The following B3GNT3 variants were observed in gnomAD, a reference collection of about 807,000 sequenced individuals.
The protein encoded by B3GNT3 is N-acetyllactosaminide beta-1,3-N-acetylglucosaminyltransferase 3.
A neutral mutation model predicts 11.6 loss-of-function variants in B3GNT3; 7 were observed. That is an observed-to-expected ratio of 0.60 (90% confidence interval 0.34 to 1.13). B3GNT3 has a LOEUF of 1.13. Ranked by LOEUF, B3GNT3 falls within the 50% of genes most tolerant of loss-of-function variation. The pLI is 0.03. For missense variants in B3GNT3, 400 were observed against 507.4 expected (o/e 0.79, Z 2.03); for synonymous variants, 201 against 222.1 (o/e 0.90, Z 0.85).
chr19:17,795,151 G>C lies in B3GNT3; in HGVS notation c.-106G>C, dbSNP rs936593945. 3 of 152,398 alleles carry C rather than the reference G, an allele frequency of 2.0e-5. No individual in the cohort carries two copies. Among genetic ancestry groups the C allele is most frequent in the African/African-American group, 7.2e-5 (3 of 41,436 alleles). The allele number at this position is 152,398 out of a possible 1,614,324, so 9.4% of individuals were successfully genotyped here. On this transcript the variant is annotated 5_prime_UTR_variant, in exon 1 of 3. Coordinates refer to ENST00000318683, the MANE Select transcript of B3GNT3 (RefSeq NM_014256.4). ...TGGCTCAGGTAAAAACTCTTTCTTCGGCTCGCGAGCTGAGAGGAGCAGGTA... is the reference window on the plus strand; with the variant it reads ...TGGCTCAGGTAAAAACTCTTTCTTCCGCTCGCGAGCTGAGAGGAGCAGGTA...
At chr19:17,797,643 A>C (rs1042640000) in intron 1 of B3GNT3, among the ~76,000 whole-genome samples, 3 of 152,122 alleles carry the variant, frequency 2.0e-5, no homozygotes, top group Non-Finnish European at 2.9e-5. Flanking sequence ...CGGGACCTAG[A>C]AACCCGGGAC....
intron 1 of B3GNT3, among the ~76,000 whole-genome samples, chr19:17,807,147 T>TGTGTG (rs1290665537): frequency 6.0e-5 from 9 of 149,164 alleles, no homozygotes; most frequent in East Asian, 2.0e-4. Flanking sequence ...TGTGTGTGTA[T>TGTGTG]TGGAGCAGGA....
chr19:17,811,628 G>A lies in B3GNT3; in HGVS notation c.625G>A (p.Gly209Arg), dbSNP rs200934033. ...CGCCAACGCCAGCTTCGTGCTCAAC[G>A]GGGATGATGACGTCTTTGCACACAC... ...RCANASFVLN[G>R]DDDVFAHTDN... Residue 209 changes from glycine (G) to arginine (R), a missense_variant, in exon 3 of 3, where the codon GGG becomes AGG. Transcript: ENST00000318683. This position sits in a 1 kb window ranked among gnomAD's most constrained non-coding sequence, Gnocchi z 4.1. 4.3e-6 allele frequency: 7 copies of A among 1,614,170 alleles called. No homozygotes were observed. The highest frequency in any genetic ancestry group is 4.5e-5 in the East Asian group (2 of 44,880).
chr19:17,808,608 C>CGGAT (rs1356635899), intron 2 of B3GNT3, among the ~76,000 whole-genome samples: 1 of 152,140 alleles, frequency 6.6e-6, no homozygotes, highest in Non-Finnish European at 1.5e-5. Flanking sequence ...CCTGATGATG[C>CGGAT]GGATTCGAAT....
intron 1 of B3GNT3, among the ~76,000 whole-genome samples, chr19:17,797,506 T>A (rs973345516): frequency 1.7e-4 from 26 of 152,226 alleles, no homozygotes; most frequent in Admixed American, 1.4e-3. Context: ...CCTTTGAGAC[T>A]CCACTGGGCC....
At chr19:17,796,804 C>T (rs1329185796) in intron 1 of B3GNT3, among the ~76,000 whole-genome samples, 1 of 152,156 alleles carries the variant, frequency 6.6e-6, no homozygotes, top group African/African-American at 2.4e-5. Flanking sequence ...CCAGACAAGC[C>T]AGGTCAGCCC....
intron 1 of B3GNT3, among the ~76,000 whole-genome samples, chr19:17,799,504 A>C (rs1470809428): frequency 6.6e-6 from 1 of 151,808 alleles, no homozygotes; most frequent in East Asian, 1.9e-4. Flanking sequence ...TCCTGACCTC[A>C]TGATTCGCCC....
At chr19:17,807,238 C>T (rs1431345722) in intron 1 of B3GNT3, among the ~76,000 whole-genome samples, 1 of 151,316 alleles carries the variant, frequency 6.6e-6, no homozygotes, top group African/African-American at 2.4e-5. Flanking sequence ...GCCTGTCATC[C>T]CAGCCCTTTG....
At chr19:17,803,516 C>A (rs948369892) in intron 1 of B3GNT3, among the ~76,000 whole-genome samples, 1 of 152,268 alleles carries the variant, frequency 6.6e-6, no homozygotes, top group South Asian at 2.1e-4. Context: ...GTGCAAACAG[C>A]TCCAGGCAGG....
chr19:17,800,307 G>A (rs972317181), intron 1 of B3GNT3, among the ~76,000 whole-genome samples: 5 of 151,876 alleles, frequency 3.3e-5, no homozygotes, highest in African/African-American at 4.8e-5. Flanking sequence ...ACCAGGAGGC[G>A]GAAGTTGCAG....
At chr19:17,804,084 C>T (rs997532168) in intron 1 of B3GNT3, among the ~76,000 whole-genome samples, 5 of 152,172 alleles carry the variant, frequency 3.3e-5, no homozygotes, top group African/African-American at 1.2e-4. Context: ...GGATACCAGA[C>T]TGAGCCTCCC....
At chr19:17,799,462 G>T (rs2094163316) in intron 1 of B3GNT3, among the ~76,000 whole-genome samples, 1 of 151,840 alleles carries the variant, frequency 6.6e-6, no homozygotes, top group Non-Finnish European at 1.5e-5. Context: ...TAGAAATGGG[G>T]TTTCACCATG....
At chr19:17,804,889 C>G (rs1300785979) in intron 1 of B3GNT3, among the ~76,000 whole-genome samples, 1 of 151,784 alleles carries the variant, frequency 6.6e-6, no homozygotes, top group Non-Finnish European at 1.5e-5. Flanking sequence ...GCATACTCTC[C>G]TATACCCCAG....
At position 17,812,292 on chromosome 19, in the gene B3GNT3, A is replaced by C; in HGVS notation, c.*170A>C. 2 of 662,588 alleles carry C rather than the reference A, an allele frequency of 3.0e-6. No individual in the cohort carries two copies. Among genetic ancestry groups the C allele is most frequent in the Middle Eastern group, 4.2e-4 (1 of 2,382 alleles). 41.0% of individuals were successfully genotyped at this position (662,588 alleles called of 1,614,324 possible). ...GGCGAACTCCTACACATCCTTCAAA[A>C]CCCACCTGGTACTGTTCCAGCATCT... On this transcript the variant is annotated 3_prime_UTR_variant, in exon 3 of 3. Coordinates refer to ENST00000318683, the MANE Select transcript of B3GNT3 (RefSeq NM_014256.4).
At position 17,808,091 on chromosome 19, in the gene B3GNT3, T is replaced by C; in HGVS notation, c.284T>C (p.Leu95Pro). The change falls in exon 2 of 3, where the codon CTG becomes CCG. Residue 95 changes from leucine to proline, a missense_variant. Physicochemically the swap from Leu to Pro is moderately conservative, Grantham distance 98. Transcript: ENST00000318683. ...LYRHCRHFPL[L>P]QDVPPSKCAQ... ...AGACACTGCCGCCACTTTCCCCTGCTGCAGGACGTGCCCCCCTCTAAGTGC... is the reference window on the plus strand; with the variant it reads ...AGACACTGCCGCCACTTTCCCCTGCCGCAGGACGTGCCCCCCTCTAAGTGC... The C allele has an allele frequency of 6.2e-7, 1 of 1,613,884 alleles. No individual in the cohort carries two copies. The highest frequency in any genetic ancestry group is 8.5e-7 in the Non-Finnish European group (1 of 1,179,924).
rs1223385400 is a variant in B3GNT3 at position 17,812,065 on chromosome 19, G to A, written c.1062G>A (p.Met354Ile). 1.3e-6 allele frequency: 2 copies of A among 1,598,892 alleles called. No individual in the cohort carries two copies. The highest frequency in any genetic ancestry group is 2.2e-5 in the South Asian group (2 of 91,074). Reference sequence around the variant, plus strand: ...TCCTACCTTATGAGATGCTGCTCATGTGGGATGCGCTGAACCAGCCCAACC... The same window carrying A: ...TCCTACCTTATGAGATGCTGCTCATATGGGATGCGCTGAACCAGCCCAACC... ...HRFLPYEMLL[M>I]WDALNQPNLT... The change falls in exon 3 of 3, where the codon ATG becomes ATA. Residue 354 changes from methionine (M) to isoleucine (I), a missense_variant. By Grantham distance (10) the Met-to-Ile change is conservative. Coordinates refer to ENST00000318683, the MANE Select transcript of B3GNT3 (RefSeq NM_014256.4).
chr19:17,797,407 G>C (rs1310361784), intron 1 of B3GNT3, among the ~76,000 whole-genome samples: 2 of 152,134 alleles, frequency 1.3e-5, no homozygotes, highest in Non-Finnish European at 2.9e-5. Context: ...CATCACTCCT[G>C]GATTGTGGGA....
rs1599848845 is a variant in B3GNT3 at position 17,808,193 on chromosome 19, C to T, written c.386C>T (p.Thr129Met). 9 of 1,610,988 alleles carry T rather than the reference C, an allele frequency of 5.6e-6. No individual in the cohort carries two copies. The highest frequency in any genetic ancestry group is 1.3e-5 in the African/African-American group (1 of 74,832). The change falls in exon 2 of 3, where the codon ACG becomes ATG. Residue 129 changes from threonine to methionine, a missense_variant. Transcript: ENST00000318683. ...NYVRRELLRR[T>M]WGRERKVRGL... ...GTGCGCCGCGAGCTGCTGCGGCGCACGTGGGGCCGCGAGCGCAAGGTACGG... is the reference window on the plus strand; with the variant it reads ...GTGCGCCGCGAGCTGCTGCGGCGCATGTGGGGCCGCGAGCGCAAGGTACGG...
intron 1 of B3GNT3, among the ~76,000 whole-genome samples, chr19:17,805,154 G>C (rs993291235): frequency 6.7e-6 from 1 of 149,736 alleles, no homozygotes; most frequent in Non-Finnish European, 1.5e-5. Context: ...GCCCAGGCTG[G>C]AGTGGTGTGA....
Sources: gnomAD v4.1 joint callset for allele counts (sites outside exome capture counted in the v4.1 genomes callset) on GRCh38, gnomAD v4.1.1 for gene constraint, Gnocchi (gnomAD v3.1) non-coding constraint, MANE v1.5 for transcripts, NCBI Gene and HGNC (gene_info 2026-07-23, HGNC 2026-07-21) for gene names.